IST1: variants seen among roughly 807,000 people sequenced by gnomAD.
IST1 encodes the protein IST1 homolog.
A neutral mutation model predicts 37.0 loss-of-function variants in IST1; 23 were observed. That is an observed-to-expected ratio of 0.62 (90% CI 0.45 to 0.88). IST1 has a LOEUF of 0.88. IST1 is among the 40% of genes least tolerant of loss of function. The pLI, the probability that IST1 is intolerant of heterozygous loss-of-function variation, is 0.00. For missense variants in IST1, 488 were observed against 445.4 expected, an observed-to-expected ratio of 1.10 and a Z score of -0.86; for synonymous variants, 180 against 161.7, an observed-to-expected ratio of 1.11 and a Z score of -0.86.
At chr16:71,903,243 A>G (rs2037148065) in intron 1 of IST1, 2 of 152,348 alleles carry the variant, frequency 1.3e-5, no homozygotes, top group Admixed American at 1.3e-4. Flanking sequence ...GGCCTCCCAA[A>G]GTGCTGGAAT....
chr16:71,917,016 G>C (rs757952337), intron 3 of IST1, 31 bp from the exon 4 acceptor site: 1 of 1,425,164 alleles, frequency 7.0e-7, no homozygotes, highest in East Asian at 2.3e-5. Context: ...TTGTTTTAAA[G>C]AATGTTATAT....
At chr16:71,910,703 C>T (rs1300853636) in intron 1 of IST1, among the ~76,000 whole-genome samples, 1 of 152,062 alleles carries the variant, frequency 6.6e-6, no homozygotes, top group Non-Finnish European at 1.5e-5. Flanking sequence ...AAACGTAACC[C>T]TTGGATAAGG....
chr16:71,910,600 T>C lies in IST1; in HGVS notation c.-15-5026T>C, dbSNP rs554563746. Among the ~76,000 whole-genome samples the C allele has an allele frequency of 4.2e-5, 6 of 141,816 alleles. No homozygotes were observed. In the South Asian group the frequency reaches 1.1e-3, roughly 26 times the overall value. The allele number at this position is 141,816 out of a possible 152,430, so 93.0% of individuals were successfully genotyped here. A position where few individuals can be genotyped will look rare whatever the true frequency, so the allele number is the denominator to read the frequency against. ...CAGCCTGGGTGACAGAGCAAGACTC[T>C]GTCTCAAAAAAAAAAAAAGAAAAAA... On this transcript the variant is annotated intron_variant, in intron 1 of 9. Coordinates refer to ENST00000378799, the MANE Select transcript of IST1 (RefSeq NM_001270975.2).
chr16:71,925,011 A>ATTTTTTTTTTTTTTTTTTTTTTTTTTT (rs539063040), intron 9 of IST1, among the ~76,000 whole-genome samples, 194 bp downstream of exon 9: 1 of 132,336 alleles, frequency 7.6e-6, no homozygotes, highest in African/African-American at 2.9e-5. Flanking sequence ...TAGCTCAGTG[A>ATTTTTTTTTTTTTTTTTTTTTTTTTTT]TTTTTTTTTT....
At chr16:71,925,059 C>G (rs146306116) in intron 9 of IST1, among the ~76,000 whole-genome samples, 4 of 146,826 alleles carry the variant, frequency 2.7e-5, no homozygotes, top group African/African-American at 1.0e-4. Flanking sequence ...GTTGTCCAGG[C>G]TGGAGTGCAG....
chr16:71,899,146 T>C (rs371112207), intron 1 of IST1, among the ~76,000 whole-genome samples: 5 of 152,336 alleles, frequency 3.3e-5, no homozygotes, highest in African/African-American at 1.2e-4. Flanking sequence ...CTTATTTTCT[T>C]GTGAATAACA....
chr16:71,910,423 G>A (rs1475092262), intron 1 of IST1, among the ~76,000 whole-genome samples: 1 of 151,968 alleles, frequency 6.6e-6, no homozygotes, highest in Non-Finnish European at 1.5e-5. Flanking sequence ...TGGCTAACAC[G>A]GTGAAACCCC....
Position 71,923,390 on chromosome 16 carries a change from TGA to T in IST1, c.852+12_852+13del. The T allele has an allele frequency of 1.3e-6, 2 of 1,550,226 alleles. No individual in the cohort carries two copies. Among genetic ancestry groups the T allele is most frequent in the Non-Finnish European group, 1.8e-6 (2 of 1,122,696 alleles). On this transcript the variant is annotated intron_variant, in intron 8 of 9. Coordinates refer to ENST00000378799, the MANE Select transcript of IST1 (RefSeq NM_001270975.2). ...CCCATCGTATGAATCTGTAAGTGCC[TGA>T]GCCTCTTTTATAAGCAACAGGAGAG...
chr16:71,917,292 A>G (rs2037485874), intron 4 of IST1, among the ~76,000 whole-genome samples, 158 bp downstream of exon 4: 1 of 150,924 alleles, frequency 6.6e-6, no homozygotes. Flanking sequence ...TTTCAGCCTT[A>G]TATCGTAGAA....
rs766946126 is a variant in IST1 at position 71,928,737 on chromosome 16, T to A, written c.*924T>A. ...TGATTCATGGAACCTTTAAAACTAA[T>A]CTCAGAAAAATTTTTGGTGCCCATG... is the stretch of plus-strand genomic sequence containing the variant. On this transcript the variant is annotated 3_prime_UTR_variant, in exon 10 of 10. Transcript: ENST00000378799. 1 of 152,360 alleles carries A rather than the reference T, an allele frequency of 6.6e-6. No homozygotes were observed. The highest frequency in any genetic ancestry group is 1.5e-5 in the Non-Finnish European group (1 of 68,040). 9.4% of individuals were successfully genotyped at this position (152,360 alleles called of 1,614,324 possible).
chr16:71,910,738 C>A (rs888289383), intron 1 of IST1, among the ~76,000 whole-genome samples: 1 of 152,050 alleles, frequency 6.6e-6, no homozygotes, highest in Admixed American at 6.6e-5. Context: ...TTCATAAGGG[C>A]AAGGGTGGTT....
chr16:71,920,976 G>C, intron 5 of IST1, 154 bp downstream of exon 5: 1 of 693,026 alleles, frequency 1.4e-6, no homozygotes, highest in Non-Finnish European at 2.6e-6. Context: ...TGGCAGTGTG[G>C]TCCAATCCTT....
chr16:71,895,506 T>C (rs2142508719), upstream of IST1: 1 of 985,680 alleles, frequency 1.0e-6, no homozygotes, highest in Non-Finnish European at 1.2e-6. Flanking sequence ...CCCGCGCTTG[T>C]TGTGCTGAGG....
intron 9 of IST1, among the ~76,000 whole-genome samples, chr16:71,925,099 G>A (rs1597258324): frequency 6.7e-6 from 1 of 148,462 alleles, no homozygotes; most frequent in Non-Finnish European, 1.5e-5. Context: ...TGCAAGCTCC[G>A]CCTCCCGGGT....
Position 71,927,919 on chromosome 16 carries a change from T to A in IST1, c.*106T>A. 2 of 792,454 alleles carry A rather than the reference T, an allele frequency of 2.5e-6. No individual in the cohort carries two copies. The highest frequency in any genetic ancestry group is 2.1e-6 in the Non-Finnish European group (1 of 467,790). The allele number at this position is 792,454 out of a possible 1,614,324, so 49.1% of individuals were successfully genotyped here. A position where few individuals can be genotyped will look rare whatever the true frequency, so the allele number is the denominator to read the frequency against. ...TTCTGTTTCATCTGTTAACCGTCACTCAGCACAACACTCCCTCTGGGCTCT... is the reference window on the plus strand; with the variant it reads ...TTCTGTTTCATCTGTTAACCGTCACACAGCACAACACTCCCTCTGGGCTCT... On this transcript the variant is annotated 3_prime_UTR_variant, in exon 10 of 10. Transcript: ENST00000378799.
upstream of IST1, chr16:71,894,720 G>C (rs1170730950): frequency 2.5e-6 from 1 of 393,226 alleles, no homozygotes; most frequent in South Asian, 6.8e-5. Flanking sequence ...TTTTTTTGTA[G>C]CGATGCGGTT....
Position 71,921,377 on chromosome 16 carries a change from A to G in IST1, c.476A>G (p.Lys159Arg), listed in dbSNP as rs762622363. ...MHKLSVEAPP[K>R]ILVERYLIEI... is the part of the protein sequence containing the mutation. ...AAGCTGAGTGTGGAAGCCCCACCCA[A>G]AATCCTGGTGGAGAGATACCTGATT... Residue 159 changes from lysine (K) to arginine (R), a missense_variant, in exon 6 of 10, where the codon AAA becomes AGA. Around this residue, in one of 2 missense-constraint regions of IST1, gnomAD observed 455 missense variants for 386.2 expected, o/e 1.18. Coordinates refer to ENST00000378799, the MANE Select transcript of IST1 (RefSeq NM_001270975.2). The G allele has an allele frequency of 1.1e-5, 18 of 1,613,368 alleles. No homozygotes were observed. The East Asian group carries it at 3.3e-4, about 30-fold the overall frequency.
At chr16:71,917,804 T>G (rs1478871879) in intron 4 of IST1, among the ~76,000 whole-genome samples, 2 of 152,214 alleles carry the variant, frequency 1.3e-5, no homozygotes, top group Admixed American at 6.5e-5. Flanking sequence ...TCTGAATATT[T>G]TTTATGGTTT....
intron 9 of IST1, among the ~76,000 whole-genome samples, chr16:71,925,096 T>G (rs951518883): frequency 3.3e-5 from 5 of 150,170 alleles, no homozygotes; most frequent in Non-Finnish European, 5.9e-5. Flanking sequence ...CACTGCAAGC[T>G]CCGCCTCCCG....
Sources: gnomAD v4.1 joint callset for allele counts (sites outside exome capture counted in the v4.1 genomes callset) on GRCh38, gnomAD v4.1.1 for gene constraint, gnomAD v4.1.1 regional missense constraint, MANE v1.5 for transcripts, NCBI Gene and HGNC (gene_info 2026-07-23, HGNC 2026-07-21) for gene names.